Variants in CFAP47 observed in about 807,000 individuals in gnomAD.
CFAP47 encodes cilia- and flagella-associated protein 47.
Under a neutral mutation model 148.1 loss-of-function variants are expected in CFAP47, and 29 were observed. The ratio of observed to expected loss-of-function variants is 0.20; its 90% CI spans 0.15 to 0.27. CFAP47 has a LOEUF of 0.27. CFAP47 is among the 10% of genes least tolerant of loss of function. CFAP47 has a pLI of 1.00. For synonymous variants in CFAP47, 664 were observed against 577.3 expected (o/e 1.15, Z -2.15); for missense variants, 1,872 against 1,697.5 (o/e 1.10, Z -1.81).
chrX:36,292,930 T>A lies in CFAP47; in HGVS notation c.7687-6047T>A, dbSNP rs782666437. 1.2e-4 allele frequency among the ~76,000 whole-genome samples: 13 copies of A among 111,352 alleles called. No individual in the cohort carries two copies. In the East Asian group the frequency reaches 3.6e-3, roughly 31 times the overall value. On this transcript the variant is annotated intron_variant, in intron 51 of 63. Coordinates refer to ENST00000378653, the MANE Select transcript of CFAP47 (RefSeq NM_001304548.2). ...CATATCAATAATTATATATAATATGTAATATGTAATGTACAATATGTAATA... is the reference window on the plus strand; with the variant it reads ...CATATCAATAATTATATATAATATGAAATATGTAATGTACAATATGTAATA...
chrX:36,235,935 A>G lies in CFAP47; in HGVS notation c.7016A>G (p.Lys2339Arg). Reference sequence around the variant, plus strand: ...TTCTGTACCTTTTTCATGCTTTAGAAAAATCAAACAAACGATAAATGGACC... The same window carrying G: ...TTCTGTACCTTTTTCATGCTTTAGAGAAATCAAACAAACGATAAATGGACC... ...FEALTQNIPI[K>R]NQTNDKWTFQ... Residue 2339 changes from lysine (K) to arginine (R), a missense_variant and splice_region_variant, in exon 47 of 64, where the codon AAA becomes AGA. Transcript: ENST00000378653. 2.1e-6 allele frequency: 1 copy of G among 485,462 alleles called. No individual in the cohort carries two copies. Among genetic ancestry groups the G allele is most frequent in the East Asian group, 3.7e-5 (1 of 26,685 alleles). The allele number at this position is 485,462 out of a possible 1,213,427, so 40.0% of individuals were successfully genotyped here. A position where few individuals can be genotyped will look rare whatever the true frequency, so the allele number is the denominator to read the frequency against.
At chrX:36,328,831 A>G (rs868958620) in intron 57 of CFAP47, among the ~76,000 whole-genome samples, 3 of 108,729 alleles carry the variant, frequency 2.8e-5, no homozygotes, top group African/African-American at 1.0e-4. Flanking sequence ...AAAAAAAAAA[A>G]AAAAGAAAAG....
intron 3 of CFAP47, among the ~76,000 whole-genome samples, chrX:35,942,464 T>A (rs1285655735): frequency 9.0e-6 from 1 of 111,702 alleles, no homozygotes; most frequent in South Asian, 3.7e-4. Context: ...TGTGGGATTA[T>A]AGAATTAGGC....
At chrX:36,104,478 A>G in intron 32 of CFAP47, 21 bp from the exon 33 acceptor site, 1 of 623,801 alleles carries the variant, frequency 1.6e-6, no homozygotes, top group Non-Finnish European at 2.3e-6. Context: ...ATCTAATAAA[A>G]GTTATCTCTC....
In CFAP47 at chrX:36,119,919, CTTCT is replaced by C. The variant is rs1354211178; in HGVS notation, c.5320+15238_5320+15241del. Among the ~76,000 whole-genome samples, 13 of 109,548 alleles carry C rather than the reference CTTCT, an allele frequency of 1.2e-4. No individual in the cohort carries two copies. The East Asian group carries it at 2.3e-3, about 19-fold the overall frequency. ...AGTTGTAATGTCTACTTTTTCATCT[CTTCT>C]TTCTTTCTTCTCTCTTTTTTTCTTA... On this transcript the variant is annotated intron_variant, in intron 33 of 63. Transcript: ENST00000378653.
chrX:36,071,691 C>T (rs1485677147), intron 27 of CFAP47, 134 bp from the exon 28 acceptor site: 1 of 431,063 alleles, frequency 2.3e-6, no homozygotes, highest in Non-Finnish European at 3.5e-6. Flanking sequence ...TTTTTTTTTA[C>T]TTTGTCATAG....
intron 30 of CFAP47, among the ~76,000 whole-genome samples, chrX:36,089,669 T>C (rs1232731700): frequency 9.0e-6 from 1 of 111,518 alleles, no homozygotes; most frequent in African/African-American, 3.3e-5. Flanking sequence ...TTAAGGGTGA[T>C]AATTCCATAA....
intron 62 of CFAP47, among the ~76,000 whole-genome samples, chrX:36,372,779 G>T (rs1569330333): frequency 8.9e-6 from 1 of 111,943 alleles, no homozygotes; most frequent in African/African-American, 3.2e-5. Flanking sequence ...ATTTATTTCA[G>T]TATAGATATT....
intron 42 of CFAP47, among the ~76,000 whole-genome samples, chrX:36,191,610 TATA>T (rs782028436): frequency 5.4e-5 from 6 of 111,481 alleles, no homozygotes; most frequent in Non-Finnish European, 1.1e-4. Flanking sequence ...ATATTAAAAA[TATA>T]ATAGTTAATC....
At chrX:36,230,660 G>A (rs1413746575) in intron 46 of CFAP47, among the ~76,000 whole-genome samples, 2 of 110,355 alleles carry the variant, frequency 1.8e-5, no homozygotes, top group East Asian at 2.8e-4. Context: ...ATTGCTTCTG[G>A]TGTTTTAGAC....
chrX:36,106,723 G>C (rs1238494438), intron 33 of CFAP47, among the ~76,000 whole-genome samples: 2 of 111,909 alleles, frequency 1.8e-5, no homozygotes, highest in African/African-American at 6.5e-5. Context: ...GAGCCAATTT[G>C]AAAAGGCTAC....
chrX:35,953,171 A>G (rs1373865405), intron 6 of CFAP47, among the ~76,000 whole-genome samples: 1 of 112,288 alleles, frequency 8.9e-6, no homozygotes, highest in Non-Finnish European at 1.9e-5. Flanking sequence ...GGCAATATGC[A>G]CTTAGTACAT....
chrX:36,162,409 A>AT (rs1382422383), intron 39 of CFAP47, among the ~76,000 whole-genome samples: 1 of 111,650 alleles, frequency 9.0e-6, no homozygotes, highest in Non-Finnish European at 1.9e-5. Flanking sequence ...ATAAGAAGGA[A>AT]TTTGACCAAT....
intron 15 of CFAP47, among the ~76,000 whole-genome samples, chrX:35,987,640 G>C (rs1427104301): frequency 9.0e-6 from 1 of 111,330 alleles, no homozygotes; most frequent in Admixed American, 9.6e-5. Context: ...TGGCATTCCA[G>C]GTGCCACTGG....
chrX:36,106,793 A>G (rs967975574), intron 33 of CFAP47, among the ~76,000 whole-genome samples: 1 of 112,039 alleles, frequency 8.9e-6, no homozygotes, highest in African/African-American at 3.2e-5. Flanking sequence ...GAGACAGGAA[A>G]AAGATCAGTG....
intron 57 of CFAP47, among the ~76,000 whole-genome samples, chrX:36,344,940 G>T (rs782370122): frequency 1.1e-4 from 12 of 111,437 alleles, no homozygotes; most frequent in Non-Finnish European, 2.1e-4. Context: ...GTCATCTAGC[G>T]TACTCTTTCA....
In CFAP47 at chrX:35,975,682, T is replaced by G. The variant is rs1414469977; in HGVS notation, c.2482T>G (p.Phe828Val). The change falls in exon 15 of 64, where the codon TTT (phenylalanine) becomes GTT (valine). Residue 828 changes from phenylalanine (F) to valine (V), a missense_variant. Phe to Val is a conservative substitution (Grantham distance 50). Transcript: ENST00000378653. ...TTTGCTGCATTACAGGTCTTTCACC[T>G]TTACAGTGAACAATGTACCCAGTGG... is the stretch of plus-strand genomic sequence containing the variant. ...TIGKFWKSFT[F>V]TVNNVPSGHI... 3 of 1,208,183 alleles carry G rather than the reference T, an allele frequency of 2.5e-6. No homozygotes were observed. Among genetic ancestry groups the G allele is most frequent in the Non-Finnish European group, 3.4e-6 (3 of 893,616 alleles).
chrX:36,011,023 T>G (rs1161765940), intron 21 of CFAP47, among the ~76,000 whole-genome samples: 1 of 111,958 alleles, frequency 8.9e-6, no homozygotes, highest in Non-Finnish European at 1.9e-5. Flanking sequence ...CTCCTTTCTC[T>G]GGGTTTACTC....
intron 57 of CFAP47, among the ~76,000 whole-genome samples, chrX:36,332,162 T>C (rs1287177702): frequency 8.9e-6 from 1 of 112,092 alleles, no homozygotes; most frequent in Non-Finnish European, 1.9e-5. Context: ...TTCCAACCTT[T>C]ATTTAATTTA....
Sources: gnomAD v4.1 joint callset for allele counts (sites outside exome capture counted in the v4.1 genomes callset) on GRCh38, gnomAD v4.1.1 for gene constraint, MANE v1.5 for transcripts, NCBI Gene and HGNC (gene_info 2026-07-23, HGNC 2026-07-21) for gene names.